RPH3AL: variants seen among roughly 807,000 people sequenced by gnomAD.
The protein encoded by RPH3AL is rabphilin 3A like (without C2 domains).
In RPH3AL, 38 loss-of-function variants were observed where a neutral mutation model predicts 43.1. The observed-to-expected ratio is 0.88, with a 90% confidence interval of 0.68 to 1.15. The LOEUF is 1.15. Among genes scored for constraint, RPH3AL ranks in the 50% most tolerant of loss-of-function variants. RPH3AL has a pLI of 0.00. For synonymous variants in RPH3AL, 189 were observed against 176.3 expected, an observed-to-expected ratio of 1.07 and a Z score of -0.57; for missense variants, 462 against 423.2, an observed-to-expected ratio of 1.09 and a Z score of -0.81.
At chr17:307,779 C>G (rs2043538897) in intron 5 of RPH3AL, among the ~76,000 whole-genome samples, 1 of 152,212 alleles carries the variant, frequency 6.6e-6, no homozygotes, top group Non-Finnish European at 1.5e-5. Context: ...GGAAGGGGCT[C>G]AGCACCGCAC....
rs189592431 is a variant in RPH3AL, at chr17:270,977, T to C, written c.438+10791A>G. On this transcript the variant is annotated intron_variant, in intron 6 of 9. Transcript: ENST00000331302. Reference sequence around the variant, plus strand: ...ATAAGGTGTAAGGAAGGGATCCAGTTTCAGCTTTCCACGTATGGCTAGCCA... The same window carrying C: ...ATAAGGTGTAAGGAAGGGATCCAGTCTCAGCTTTCCACGTATGGCTAGCCA... Among the ~76,000 whole-genome samples the C allele has an allele frequency of 7.1e-3, 1,081 of 152,348 alleles. 6 individuals carry two copies. Among genetic ancestry groups the C allele is most frequent in the South Asian group, 0.026 (124 of 4,826 alleles).
intron 7 of RPH3AL, among the ~76,000 whole-genome samples, chr17:220,545 T>A (rs74646494): frequency 0.17 from 297 of 1,762 alleles, 3 homozygotes; most frequent in Non-Finnish European, 0.21. Flanking sequence ...CCCAAGCACA[T>A]CAGCTCTGAG....
intron 6 of RPH3AL, among the ~76,000 whole-genome samples, chr17:253,915 GGC>G: frequency 3.9e-5 from 1 of 25,898 alleles, no homozygotes; most frequent in Non-Finnish European, 7.5e-5. Flanking sequence ...GGAGCCGCAC[GGC>G]GTCTGTCCTT....
chr17:315,178 C>A lies in RPH3AL; in HGVS notation c.351+4242G>T, dbSNP rs149006141. Among the ~76,000 whole-genome samples the A allele has an allele frequency of 3.0e-3, 25 of 8,408 alleles. 1 individual carries two copies. Among genetic ancestry groups the A allele is most frequent in the East Asian group, 6.6e-3 (1 of 152 alleles). 5.5% of individuals were successfully genotyped at this position (8,408 alleles called of 152,430 possible). On this transcript the variant is annotated intron_variant, in intron 5 of 9. Transcript: ENST00000331302. ...TAGTCCCTGTGCCCCCACCTCCATT[C>A]ACCTGTAGTCCCTGTGCTCCACCTC...
chr17:319,035 T>C (rs888140015), intron 5 of RPH3AL, among the ~76,000 whole-genome samples: 1 of 152,246 alleles, frequency 6.6e-6, no homozygotes, highest in Non-Finnish European at 1.5e-5. Context: ...GAATATTTAA[T>C]CCTCATAGCA....
At chr17:316,023 C>G (rs62054975) in intron 5 of RPH3AL, among the ~76,000 whole-genome samples, 1 of 52,820 alleles carries the variant, frequency 1.9e-5, no homozygotes, top group Non-Finnish European at 4.7e-5. Context: ...TCCCTGTGCC[C>G]CCACCTCCAT....
chr17:336,499 GC>G (rs1476021092), intron 1 of RPH3AL, among the ~76,000 whole-genome samples: 1 of 152,078 alleles, frequency 6.6e-6, no homozygotes, highest in Admixed American at 6.5e-5. Flanking sequence ...CCTGCTCGGG[GC>G]GGCTCCCCCT....
intron 6 of RPH3AL, among the ~76,000 whole-genome samples, chr17:275,758 G>T (rs1395157993): frequency 6.6e-6 from 1 of 152,210 alleles, no homozygotes; most frequent in Non-Finnish European, 1.5e-5. Context: ...TGTTGCCCAG[G>T]CTGGTCTCAA....
At position 289,875 on chromosome 17, in the gene RPH3AL, G is replaced by A. The variant is rs1222743888; in HGVS notation, c.352-8021C>T. ...ACTTCCGCAACACTCCTTCCACAAT[G>A]AGAGCCTCCAGAATGGGCTCCTGCC... On this transcript the variant is annotated intron_variant, in intron 5 of 9. Transcript: ENST00000331302. This position sits in a 1 kb window ranked among gnomAD's most constrained non-coding sequence, Gnocchi z 5.2. 1.3e-5 allele frequency among the ~76,000 whole-genome samples: 2 copies of A among 152,178 alleles called. No individual in the cohort carries two copies. Among genetic ancestry groups the A allele is most frequent in the East Asian group, 3.8e-4 (2 of 5,196 alleles).
At chr17:312,176 C>A (rs2043662416) in intron 5 of RPH3AL, among the ~76,000 whole-genome samples, 1 of 152,130 alleles carries the variant, frequency 6.6e-6, no homozygotes, top group Admixed American at 6.5e-5. Context: ...TGGCACACAT[C>A]TGTAGTCTCA....
intron 7 of RPH3AL, among the ~76,000 whole-genome samples, chr17:241,644 T>C (rs1031960230): frequency 6.6e-6 from 1 of 151,810 alleles, no homozygotes; most frequent in Non-Finnish European, 1.5e-5. Context: ...CTTTATCAAG[T>C]ATATGTTTGT....
chr17:298,428 G>A (rs1331956090), intron 5 of RPH3AL, among the ~76,000 whole-genome samples: 2 of 152,218 alleles, frequency 1.3e-5, no homozygotes, highest in Non-Finnish European at 2.9e-5. Context: ...TGGGCACGGT[G>A]GCTCACCCCT....
intron 6 of RPH3AL, among the ~76,000 whole-genome samples, chr17:252,189 G>C (rs1269802788): frequency 1.3e-5 from 2 of 151,902 alleles, no homozygotes; most frequent in Non-Finnish European, 2.9e-5. Flanking sequence ...TACTCAGGCT[G>C]GTCTCTAACT....
chr17:263,117 A>G (rs1272586340), intron 6 of RPH3AL, among the ~76,000 whole-genome samples: 1 of 152,192 alleles, frequency 6.6e-6, no homozygotes, highest in Admixed American at 6.5e-5. Context: ...CAGAATCTAC[A>G]TGTAAATTCT....
At chr17:249,427 G>A (rs1311665955) in intron 6 of RPH3AL, among the ~76,000 whole-genome samples, 1 of 152,034 alleles carries the variant, frequency 6.6e-6, no homozygotes, top group African/African-American at 2.4e-5. Context: ...AAGAATGAAC[G>A]TGAAGCCTCA....
chr17:249,426 C>A (rs1354666279), intron 6 of RPH3AL, among the ~76,000 whole-genome samples: 3 of 152,062 alleles, frequency 2.0e-5, no homozygotes, highest in Non-Finnish European at 4.4e-5. Flanking sequence ...CAAGAATGAA[C>A]GTGAAGCCTC....
chr17:302,787 G>C (rs1177787208), intron 5 of RPH3AL, among the ~76,000 whole-genome samples: 1 of 152,232 alleles, frequency 6.6e-6, no homozygotes, highest in Non-Finnish European at 1.5e-5. Flanking sequence ...TATAGTCATG[G>C]GACGATGTTT....
intron 6 of RPH3AL, among the ~76,000 whole-genome samples, chr17:269,099 C>G (rs8074384): frequency 2.1e-4 from 32 of 152,168 alleles, no homozygotes; most frequent in Admixed American, 5.2e-4. Flanking sequence ...AGGATGGTCT[C>G]GATCTCCTGA....
intron 6 of RPH3AL, among the ~76,000 whole-genome samples, chr17:258,085 C>T (rs909187277): frequency 1.3e-5 from 2 of 152,228 alleles, no homozygotes; most frequent in African/African-American, 4.8e-5. Flanking sequence ...GTCAGCACGT[C>T]CTTCCTTTCT....
Sources: gnomAD v4.1 joint callset for allele counts (sites outside exome capture counted in the v4.1 genomes callset) on GRCh38, gnomAD v4.1.1 for gene constraint, Gnocchi (gnomAD v3.1) non-coding constraint, MANE v1.5 for transcripts, NCBI Gene and HGNC (gene_info 2026-07-23, HGNC 2026-07-21) for gene names.